The following BCAS3 variants were observed in gnomAD, a reference collection of about 807,000 sequenced individuals.
BCAS3 encodes the protein BCAS3 microtubule associated cell migration factor.
BCAS3 carries 53 observed loss-of-function variants against 116.1 expected under a neutral mutation model. The observed-to-expected ratio is 0.46, with a 90% CI of 0.37 to 0.57. The LOEUF is 0.57. Ranked by LOEUF, BCAS3 falls within the 20% of genes least tolerant of loss-of-function variation. The pLI is 0.00. For synonymous variants in BCAS3, 391 were observed against 408.2 expected (o/e 0.96, Z 0.51); for missense variants, 917 against 1,165.4 (o/e 0.79, Z 3.10).
chr17:60,730,805 C>T (rs1448502524), intron 5 of BCAS3, among the ~76,000 whole-genome samples: 1 of 152,142 alleles, frequency 6.6e-6, no homozygotes, highest in Non-Finnish European at 1.5e-5. Context: ...TCTGATGCCT[C>T]TTTGGGCTGG....
rs1464578103 is a variant in BCAS3 at position 61,134,191 on chromosome 17, A to G, written c.2425+49627A>G. Among the ~76,000 whole-genome samples, 1 of 152,232 alleles carries G rather than the reference A, an allele frequency of 6.6e-6. No homozygotes were observed. Among genetic ancestry groups the G allele is most frequent in the Non-Finnish European group, 1.5e-5 (1 of 68,036 alleles). ...CACATTCATAATGAACACTGGAGCA[A>G]TTATACATCCTAAAAAGAAAGGGAA... On this transcript the variant is annotated intron_variant, in intron 22 of 23. Coordinates refer to ENST00000407086, the MANE Select transcript of BCAS3 (RefSeq NM_017679.5). The surrounding 1 kb of genome is among the most constrained non-coding windows in gnomAD (Gnocchi z 4.6).
chr17:61,179,756 G>T (rs954083685), intron 22 of BCAS3, among the ~76,000 whole-genome samples: 1 of 152,206 alleles, frequency 6.6e-6, no homozygotes, highest in Middle Eastern at 3.4e-3. Context: ...GACCGAATCT[G>T]TCTGCTGTGT....
At chr17:60,922,329 A>G (rs1386995208) in intron 12 of BCAS3, among the ~76,000 whole-genome samples, 2 of 152,018 alleles carry the variant, frequency 1.3e-5, no homozygotes, top group Non-Finnish European at 2.9e-5. Flanking sequence ...GTTTCACTAT[A>G]TTGGTCAGGC....
chr17:61,372,861 A>C (rs2059119448), intron 23 of BCAS3, among the ~76,000 whole-genome samples: 2 of 152,222 alleles, frequency 1.3e-5, no homozygotes, highest in South Asian at 4.1e-4. Flanking sequence ...TAAAGTAAAC[A>C]AAACATTGAC....
intron 5 of BCAS3, among the ~76,000 whole-genome samples, chr17:60,712,158 C>CT (rs1187522621): frequency 1.5e-5 from 2 of 129,418 alleles, no homozygotes; most frequent in Admixed American, 7.3e-5. Context: ...GAGTGAGACT[C>CT]TGTCTCAAAA....
intron 9 of BCAS3, among the ~76,000 whole-genome samples, chr17:60,881,890 G>A (rs57047971): frequency 0.033 from 4,774 of 145,298 alleles, 235 homozygotes; most frequent in African/African-American, 0.12. Flanking sequence ...GAATAATGCC[G>A]CAATAAACAT....
intron 22 of BCAS3, among the ~76,000 whole-genome samples, chr17:61,322,826 GAGAC>G (rs1568850426): frequency 1.6e-3 from 168 of 104,272 alleles, no homozygotes; most frequent in Non-Finnish European, 2.1e-3. Flanking sequence ...GAGAGAGAGA[GAGAC>G]AGAGAGAGAG....
rs1390768977 is a variant in BCAS3 at position 61,078,385 on chromosome 17, A to G, written c.2183A>G (p.Gln728Arg). The change falls in exon 21 of 24, where the codon CAG becomes CGG. Residue 728 changes from glutamine to arginine, a missense_variant. By Grantham distance (43) the Gln-to-Arg change is conservative (BLOSUM62 1). Transcript: ENST00000407086. Reference protein sequence around the residue: ...GPHRRLWMGPQFQFKTIHPSG... With the variant: ...GPHRRLWMGPRFQFKTIHPSG... The stretch of plus-strand genomic sequence containing the variant: ...CATAGACGTCTGTGGATGGGTCCAC[A>G]GTTCCAGTTCAAAACCATCCATCCC... The G allele has an allele frequency of 6.2e-7, 1 of 1,614,172 alleles. No individual in the cohort carries two copies. The highest frequency in any genetic ancestry group is 8.5e-7 in the Non-Finnish European group (1 of 1,180,018).
rs112845869 is a variant in BCAS3, at chr17:61,244,592, G to T, written c.2426-123735G>T. 1.3e-5 allele frequency among the ~76,000 whole-genome samples: 2 copies of T among 152,104 alleles called. No homozygotes were observed. Among genetic ancestry groups the T allele is most frequent in the Non-Finnish European group, 2.9e-5 (2 of 68,032 alleles). On this transcript the variant is annotated intron_variant, in intron 22 of 23. Coordinates refer to ENST00000407086, the MANE Select transcript of BCAS3 (RefSeq NM_017679.5). The surrounding 1 kb of genome is among the most constrained non-coding windows in gnomAD (Gnocchi z 4.9). ...AAAATTGGATATATAGGCCCGGCGC[G>T]GTGGCTCATGCCTGTAATCCCAGCA...
At position 61,388,966 on chromosome 17, in the gene BCAS3, ATTCAT is replaced by A; in HGVS notation, c.2594-3009_2594-3005del. Reference sequence around the variant, plus strand: ...CCCACCTCCCCTTACCACATCATTCATTCATTCATTCATTCATTCATTCATTCATT... The same window carrying A: ...CCCACCTCCCCTTACCACATCATTCATCATTCATTCATTCATTCATTCATT... On this transcript the variant is annotated intron_variant, in intron 23 of 23. Transcript: ENST00000407086. This position sits in a 1 kb window ranked among gnomAD's most constrained non-coding sequence, Gnocchi z 6.5. 3.9e-6 allele frequency: 1 copy of A among 253,958 alleles called. No homozygotes were observed. Among genetic ancestry groups the A allele is most frequent in the South Asian group, 6.4e-5 (1 of 15,678 alleles). The allele number at this position is 253,958 out of a possible 1,614,324, so 15.7% of individuals were successfully genotyped here.
At chr17:61,177,886 T>C (rs1395403879) in intron 22 of BCAS3, among the ~76,000 whole-genome samples, 3 of 152,328 alleles carry the variant, frequency 2.0e-5, no homozygotes, top group East Asian at 3.9e-4. Flanking sequence ...CATTATTTAA[T>C]GAGAGAGCTA....
rs1323103662 is a variant in BCAS3, at chr17:61,249,374, C to CT, written c.2426-118946dup. ...TATTTGGCTCAGTTCAGGCCTGTGC[C>CT]TTTTTTTGATGTTCCCAGAGCAGAG... On this transcript the variant is annotated intron_variant, in intron 22 of 23. Transcript: ENST00000407086. This position sits in a 1 kb window ranked among gnomAD's most constrained non-coding sequence, Gnocchi z 6.2. 2.0e-5 allele frequency among the ~76,000 whole-genome samples: 3 copies of CT among 152,216 alleles called. No homozygotes were observed. The highest frequency in any genetic ancestry group is 1.9e-4 in the East Asian group (1 of 5,184).
At chr17:61,075,224 G>GTA (rs368972662) in intron 20 of BCAS3, among the ~76,000 whole-genome samples, 50 of 151,316 alleles carry the variant, frequency 3.3e-4, no homozygotes, top group South Asian at 6.3e-4. Context: ...ATACGTGTGT[G>GTA]TATATATATA....
At chr17:61,115,768 G>A (rs1342449997) in intron 22 of BCAS3, among the ~76,000 whole-genome samples, 2 of 148,746 alleles carry the variant, frequency 1.3e-5, no homozygotes, top group Non-Finnish European at 3.0e-5. Context: ...TATAAATCAT[G>A]CTGCTATAAA....
chr17:61,257,336 G>A (rs1348480515), intron 22 of BCAS3, among the ~76,000 whole-genome samples: 1 of 150,452 alleles, frequency 6.6e-6, no homozygotes, highest in African/African-American at 2.5e-5. Context: ...CAGAAGAATC[G>A]CGTGAACCTG....
At chr17:60,982,406 T>A (rs1330172773) in intron 14 of BCAS3, among the ~76,000 whole-genome samples, 1 of 152,188 alleles carries the variant, frequency 6.6e-6, no homozygotes, top group African/African-American at 2.4e-5. Flanking sequence ...CTCCTGGGCT[T>A]AAGCGATCCT....
chr17:61,302,824 G>A lies in BCAS3; in HGVS notation c.2426-65503G>A, dbSNP rs976625397. ...ACTTTGTAGAGAAAGGCAGTGAGAC[G>A]GAACAGTTCTGGCCATAGGGAGGAT... On this transcript the variant is annotated intron_variant, in intron 22 of 23. Transcript: ENST00000407086. The surrounding 1 kb of genome is among the most constrained non-coding windows in gnomAD (Gnocchi z 4.4). Among the ~76,000 whole-genome samples the A allele has an allele frequency of 1.3e-5, 2 of 152,244 alleles. No homozygotes were observed. The highest frequency in any genetic ancestry group is 2.9e-5 in the Non-Finnish European group (2 of 68,018).
At chr17:61,090,945 G>A (rs562179580) in intron 22 of BCAS3, among the ~76,000 whole-genome samples, 2 of 152,278 alleles carry the variant, frequency 1.3e-5, no homozygotes, top group South Asian at 2.1e-4. Flanking sequence ...GTGAGCCACC[G>A]TGCCTGGCCC....
Position 61,136,364 on chromosome 17 carries a change from C to CT in BCAS3, c.2425+51801dup, listed in dbSNP as rs2143907262. On this transcript the variant is annotated intron_variant, in intron 22 of 23. Coordinates refer to ENST00000407086, the MANE Select transcript of BCAS3 (RefSeq NM_017679.5). This position sits in a 1 kb window ranked among gnomAD's most constrained non-coding sequence, Gnocchi z 4.4. ...GACAGATACTGTCTCTTCTTCATCT[C>CT]TATATCTGTAGAACAGGGTTTCTCA... Among the ~76,000 whole-genome samples, 2 of 152,310 alleles carry CT rather than the reference C, an allele frequency of 1.3e-5. No homozygotes were observed. The highest frequency in any genetic ancestry group is 4.1e-4 in the South Asian group (2 of 4,830).
Sources: gnomAD v4.1 joint callset for allele counts (sites outside exome capture counted in the v4.1 genomes callset) on GRCh38, gnomAD v4.1.1 for gene constraint, Gnocchi (gnomAD v3.1) non-coding constraint, MANE v1.5 for transcripts, NCBI Gene and HGNC (gene_info 2026-07-23, HGNC 2026-07-21) for gene names.